Variants in DOP1A observed in about 807,000 individuals in gnomAD.
DOP1A encodes the protein protein DOP1A.
A neutral mutation model predicts 267.6 loss-of-function variants in DOP1A; 90 were observed. The ratio of observed to expected loss-of-function variants is 0.34; its 90% confidence interval spans 0.28 to 0.40. The LOEUF (loss-of-function observed/expected upper bound fraction) is 0.40, where lower values mean the gene tolerates loss of function less well. DOP1A is among the 10% of genes least tolerant of loss of function. DOP1A has a pLI of 1.00. For synonymous variants in DOP1A, 932 were observed against 999.1 expected (o/e 0.93, Z 1.27); for missense variants, 2,437 against 2,900.4 (o/e 0.84, Z 3.67).
At chr6:83,160,509 A>G (rs1243403461) in intron 37 of DOP1A, among the ~76,000 whole-genome samples, 1 of 152,244 alleles carries the variant, frequency 6.6e-6, no homozygotes, top group Non-Finnish European at 1.5e-5. Flanking sequence ...AGCTAAGGAA[A>G]GAAGTGATAT....
rs545799824 is a variant in DOP1A, at chr6:83,138,264, G to A, written c.4222G>A (p.Val1408Ile). The change falls in exon 21 of 39, where the codon GTA becomes ATA. Residue 1408 changes from valine to isoleucine, a missense_variant. Transcript: ENST00000349129. ...TGTAAATGCCATTTCAACTACTAGT[G>A]TAAATAATGCATATACTCCTCAGTT... ...AFVNAISTTSVNNAYTPQLSL... is the reference protein window; with the variant it reads ...AFVNAISTTSINNAYTPQLSL... 3.7e-6 allele frequency: 6 copies of A among 1,613,142 alleles called. No individual in the cohort carries two copies. The East Asian group carries it at 6.7e-5, about 18-fold the overall frequency.
At chr6:83,170,490 C>G, downstream of DOP1A, 1 of 1,611,050 alleles carries the variant, frequency 6.2e-7, no homozygotes, top group East Asian at 2.2e-5. Flanking sequence ...TAAGTGCAAG[C>G]ATTTCATATT....
Position 83,138,155 on chromosome 6 carries a change from G to C in DOP1A, c.4113G>C (p.Leu1371=). The change falls in exon 21 of 39, where the codon CTG becomes CTC. Residue 1371 remains leucine (L), a synonymous_variant. Coordinates refer to ENST00000349129, the MANE Select transcript of DOP1A (RefSeq NM_015018.4). ...NIHPLYQHVL[L]YLQLYDSSRT... is the part of the protein sequence containing the mutation. ...ATCCTCTCTATCAACATGTGCTCCTGTATCTCCAGTTGTATGATTCATCCA... is the reference window on the plus strand; with the variant it reads ...ATCCTCTCTATCAACATGTGCTCCTCTATCTCCAGTTGTATGATTCATCCA... The C allele has an allele frequency of 3.1e-6, 5 of 1,613,918 alleles. No homozygotes were observed. Among genetic ancestry groups the C allele is most frequent in the Non-Finnish European group, 4.2e-6 (5 of 1,179,902 alleles).
intron 1 of DOP1A, among the ~76,000 whole-genome samples, chr6:83,068,668 A>T (rs141762243): frequency 6.6e-6 from 1 of 152,344 alleles, no homozygotes; most frequent in Non-Finnish European, 1.5e-5. Context: ...GCCATTGTCT[A>T]TGCAGACATA....
At position 83,137,776 on chromosome 6, in the gene DOP1A, C is replaced by T. The variant is rs146341748; in HGVS notation, c.3734C>T (p.Thr1245Ile). Residue 1245 changes from threonine to isoleucine, a missense_variant, in exon 21 of 39, where the codon ACA (threonine) becomes ATA (isoleucine). Physicochemically the swap from Thr to Ile is moderately conservative, Grantham distance 89 (BLOSUM62 -1). Transcript: ENST00000349129. The stretch of plus-strand genomic sequence containing the variant: ...TCCTCACCTTGTATTTCAGGAACCA[C>T]ACACACTCTTCATGACTCTTCTGTT... ...NSSSPCISGT[T>I]HTLHDSSVAS... 8.9e-5 allele frequency: 143 copies of T among 1,613,800 alleles called. No homozygotes were observed. The African/African-American group carries it at 1.8e-3, about 21-fold the overall frequency.
chr6:83,095,223 G>A (rs530999085), intron 1 of DOP1A, among the ~76,000 whole-genome samples: 29 of 152,260 alleles, frequency 1.9e-4, no homozygotes, highest in African/African-American at 5.8e-4. Context: ...GTGAGCCACC[G>A]TGCCTGGCTT....
In DOP1A at chr6:83,134,181, C is replaced by A; in HGVS notation, c.2770-6C>A. ...ACATAATTTAAGCTCCCATGTTTCT[C>A]CTCAGAAAATAAGGATGGAAGCACA... On this transcript the variant is annotated splice_region_variant and splice_polypyrimidine_tract_variant and intron_variant, in intron 18 of 38. Transcript: ENST00000349129. The A allele has an allele frequency of 6.2e-7, 1 of 1,610,184 alleles. No individual in the cohort carries two copies. Among genetic ancestry groups the A allele is most frequent in the Non-Finnish European group, 8.5e-7 (1 of 1,177,950 alleles).
intron 1 of DOP1A, among the ~76,000 whole-genome samples, chr6:83,092,209 T>G (rs769657126): frequency 4.7e-5 from 7 of 150,520 alleles, no homozygotes; most frequent in Non-Finnish European, 7.4e-5. Context: ...AACCATGGAT[T>G]GATAATGAAA....
At position 83,121,974 on chromosome 6, in the gene DOP1A, T is replaced by G; in HGVS notation, c.1144T>G (p.Leu382Val). 6.2e-7 allele frequency: 1 copy of G among 1,611,384 alleles called. No individual in the cohort carries two copies. Among genetic ancestry groups the G allele is most frequent in the Non-Finnish European group, 8.5e-7 (1 of 1,178,024 alleles). Residue 382 changes from leucine (L) to valine (V), a missense_variant, in exon 11 of 39, where the codon TTA becomes GTA. Physicochemically the swap from Leu to Val is conservative, Grantham distance 32 (BLOSUM62 1). Coordinates refer to ENST00000349129, the MANE Select transcript of DOP1A (RefSeq NM_015018.4). The stretch of plus-strand genomic sequence containing the variant: ...TGTCCTGATTGAAGTGTTTAGAACA[T>G]TATATTCTCAATGCAAAGCAGAGTT... Reference protein sequence around the residue: ...EDVLIEVFRTLYSQCKAELDL... With the variant: ...EDVLIEVFRTVYSQCKAELDL...
At chr6:83,158,712 T>G in intron 36 of DOP1A, 90 bp downstream of exon 36, 1 of 849,076 alleles carries the variant, frequency 1.2e-6, no homozygotes, top group Non-Finnish European at 1.8e-6. Flanking sequence ...AATATAGTCT[T>G]TTTCTGAATA....
intron 20 of DOP1A, 80 bp from the exon 21 acceptor site, chr6:83,137,093 G>C (rs1394671513): frequency 8.0e-7 from 1 of 1,256,304 alleles, no homozygotes; most frequent in Non-Finnish European, 1.1e-6. Context: ...TAAAAATTTT[G>C]ATCAGTCTAC....
At chr6:83,085,304 A>G (rs1768917005) in intron 1 of DOP1A, among the ~76,000 whole-genome samples, 1 of 152,226 alleles carries the variant, frequency 6.6e-6, no homozygotes, top group African/African-American at 2.4e-5. Flanking sequence ...CAACTAAGAT[A>G]AGGCTATTGA....
chr6:83,094,524 T>C (rs1771084877), intron 1 of DOP1A, among the ~76,000 whole-genome samples: 2 of 152,246 alleles, frequency 1.3e-5, no homozygotes, highest in African/African-American at 2.4e-5. Context: ...CCTCCAGCAG[T>C]GTATGAGGGT....
At chr6:83,161,686 C>T (rs1488349221) in intron 37 of DOP1A, among the ~76,000 whole-genome samples, 1 of 152,164 alleles carries the variant, frequency 6.6e-6, no homozygotes, top group Non-Finnish European at 1.5e-5. Context: ...CTGAAAGTTG[C>T]TTTCCTTTTA....
chr6:83,146,464 C>T (rs1165489835), intron 25 of DOP1A, among the ~76,000 whole-genome samples: 1 of 152,042 alleles, frequency 6.6e-6, no homozygotes, highest in Admixed American at 6.6e-5. Flanking sequence ...AAAACTGGGG[C>T]ATTTGTCATA....
chr6:83,116,311 T>C (rs1023230066), intron 7 of DOP1A, among the ~76,000 whole-genome samples: 5 of 152,334 alleles, frequency 3.3e-5, no homozygotes, highest in Non-Finnish European at 7.4e-5. Flanking sequence ...TTCAGTCATA[T>C]GTGCTTTTGT....
In DOP1A at chr6:83,152,620, CTTTTTTTTTT is replaced by C. The variant is rs35823510; in HGVS notation, c.6129+260_6129+269del. On this transcript the variant is annotated intron_variant, in intron 30 of 38. Coordinates refer to ENST00000349129, the MANE Select transcript of DOP1A (RefSeq NM_015018.4). ...CTTTTTTATGTGTTTTTTTCTTTTT[CTTTTTTTTTT>C]TTTTTTGAGACAGTTTCACTCTTGT... is the stretch of plus-strand genomic sequence containing the variant. 2.9e-4 allele frequency among the ~76,000 whole-genome samples: 39 copies of C among 133,894 alleles called. No individual in the cohort carries two copies. The Admixed American group carries it at 3.0e-3, about 10-fold the overall frequency. 87.8% of individuals were successfully genotyped at this position (133,894 alleles called of 152,430 possible). A position where few individuals can be genotyped will look rare whatever the true frequency, so the allele number is the denominator to read the frequency against.
intron 27 of DOP1A, among the ~76,000 whole-genome samples, chr6:83,149,351 T>G (rs1306764666): frequency 6.6e-6 from 1 of 152,188 alleles, no homozygotes; most frequent in Non-Finnish European, 1.5e-5. Flanking sequence ...ATAGTCAGTC[T>G]CTCTTTCTTG....
chr6:83,149,495 G>C (rs1781206543), intron 27 of DOP1A, among the ~76,000 whole-genome samples: 1 of 152,160 alleles, frequency 6.6e-6, no homozygotes, highest in Non-Finnish European at 1.5e-5. Context: ...GTCTGATTTG[G>C]TAATAGAGCA....
Sources: gnomAD v4.1 joint callset for allele counts (sites outside exome capture counted in the v4.1 genomes callset) on GRCh38, gnomAD v4.1.1 for gene constraint, MANE v1.5 for transcripts, NCBI Gene and HGNC (gene_info 2026-07-23, HGNC 2026-07-21) for gene names.